Variants in JARID2 observed in about 807,000 individuals in gnomAD.
The protein encoded by JARID2 is jumonji and AT-rich interaction domain containing 2.
In JARID2, 21 loss-of-function variants were observed where a neutral mutation model predicts 125.6. That is an observed-to-expected ratio of 0.17 (90% CI 0.12 to 0.24). JARID2 has a LOEUF of 0.24. Among genes scored for constraint, JARID2 ranks in the 10% least tolerant of loss-of-function variants. The pLI is 1.00. For synonymous variants in JARID2, 736 were observed against 661.6 expected, an observed-to-expected ratio of 1.11 and a Z score of -1.73; for missense variants, 1,303 against 1,639.6, an observed-to-expected ratio of 0.79 and a Z score of 3.55.
At chr6:15,519,509 T>C (rs1405265108) in intron 17 of JARID2, among the ~76,000 whole-genome samples, 1 of 152,174 alleles carries the variant, frequency 6.6e-6, no homozygotes, top group Non-Finnish European at 1.5e-5. Context: ...AGATGCACGT[T>C]TGCTACTCCT....
At chr6:15,320,852 C>CTGTG (rs71944757) in intron 1 of JARID2, among the ~76,000 whole-genome samples, 3,716 of 145,366 alleles carry the variant, frequency 0.026, 89 homozygotes, top group African/African-American at 0.053. Flanking sequence ...CTCTCTCTCT[C>CTGTG]TGTGTGTGTG....
chr6:15,441,852 C>A (rs897938099), intron 3 of JARID2, among the ~76,000 whole-genome samples: 4 of 151,970 alleles, frequency 2.6e-5, no homozygotes, highest in African/African-American at 9.7e-5. Context: ...AGTGCAATGG[C>A]ACGGTCTCGG....
At chr6:15,312,817 G>C (rs899350709) in intron 1 of JARID2, among the ~76,000 whole-genome samples, 2 of 152,118 alleles carry the variant, frequency 1.3e-5, no homozygotes, top group African/African-American at 4.8e-5. Context: ...GGGCATTAAA[G>C]CAACCTTATC....
At chr6:15,273,633 G>C (rs1760384577) in intron 1 of JARID2, among the ~76,000 whole-genome samples, 1 of 152,216 alleles carries the variant, frequency 6.6e-6, no homozygotes, top group Non-Finnish European at 1.5e-5. Context: ...CCTGGGACTT[G>C]TGGGTTGCGG....
chr6:15,350,109 T>C (rs911517726), intron 1 of JARID2, among the ~76,000 whole-genome samples: 17 of 152,162 alleles, frequency 1.1e-4, no homozygotes, highest in African/African-American at 3.6e-4. Flanking sequence ...GCCCAGCATC[T>C]GTTTTAACAC....
intron 6 of JARID2, among the ~76,000 whole-genome samples, chr6:15,490,965 C>T (rs1770123465): frequency 6.6e-6 from 1 of 152,176 alleles, no homozygotes; most frequent in African/African-American, 2.4e-5. Flanking sequence ...GCTAATCCCA[C>T]TGGTTTTGCA....
intron 2 of JARID2, among the ~76,000 whole-genome samples, chr6:15,378,846 A>G (rs1014555696): frequency 7.9e-5 from 12 of 152,234 alleles, no homozygotes; most frequent in African/African-American, 2.9e-4. Context: ...ATAACAGCAG[A>G]ATGGATTTTA....
chr6:15,467,060 A>C (rs961032388), intron 4 of JARID2, among the ~76,000 whole-genome samples: 1 of 152,194 alleles, frequency 6.6e-6, no homozygotes, highest in African/African-American at 2.4e-5. Flanking sequence ...GGTTCACATA[A>C]TTTGGGGGGT....
chr6:15,390,913 T>A (rs917167571), intron 2 of JARID2, among the ~76,000 whole-genome samples: 1 of 152,098 alleles, frequency 6.6e-6, no homozygotes, highest in Non-Finnish European at 1.5e-5. Context: ...ATCTGTTTGG[T>A]TTGTTGTTTT....
At chr6:15,254,421 G>T (rs2127300548) in intron 1 of JARID2, among the ~76,000 whole-genome samples, 1 of 152,306 alleles carries the variant, frequency 6.6e-6, no homozygotes, top group South Asian at 2.1e-4. Context: ...TATGCCCTCA[G>T]TCCTCACTAG....
At chr6:15,264,364 A>G (rs897576470) in intron 1 of JARID2, among the ~76,000 whole-genome samples, 4 of 152,210 alleles carry the variant, frequency 2.6e-5, no homozygotes, top group African/African-American at 9.6e-5. Context: ...AGTATTTGGA[A>G]TCTTATTTAT....
chr6:15,311,503 G>T (rs1762009956), intron 1 of JARID2, among the ~76,000 whole-genome samples: 1 of 152,198 alleles, frequency 6.6e-6, no homozygotes, highest in Non-Finnish European at 1.5e-5. Context: ...GCTTGAACCT[G>T]GGAGGCGGAG....
At chr6:15,301,963 CAG>C (rs1468395424) in intron 1 of JARID2, among the ~76,000 whole-genome samples, 1 of 152,140 alleles carries the variant, frequency 6.6e-6, no homozygotes, top group African/African-American at 2.4e-5. Flanking sequence ...GGTAACTTAA[CAG>C]AAAAGTATAT....
At chr6:15,302,759 G>A (rs774517510) in intron 1 of JARID2, among the ~76,000 whole-genome samples, 1 of 152,020 alleles carries the variant, frequency 6.6e-6, no homozygotes, top group Non-Finnish European at 1.5e-5. Flanking sequence ...TTTTGAGATG[G>A]AGTCTTGCTA....
intron 1 of JARID2, among the ~76,000 whole-genome samples, chr6:15,373,728 C>A (rs113218359): frequency 6.6e-6 from 1 of 152,322 alleles, no homozygotes; most frequent in African/African-American, 2.4e-5. Flanking sequence ...TTGCAGTGTA[C>A]ATTCTGGCAT....
chr6:15,334,582 C>T (rs993120203), intron 1 of JARID2, among the ~76,000 whole-genome samples: 1 of 152,134 alleles, frequency 6.6e-6, no homozygotes, highest in African/African-American at 2.4e-5. Context: ...TGTGCTTGCT[C>T]CTTTTGCTGT....
At chr6:15,413,002 G>GTTCTTTT (rs1554133602) in intron 3 of JARID2, among the ~76,000 whole-genome samples, 1 of 46,532 alleles carries the variant, frequency 2.1e-5, no homozygotes, top group Non-Finnish European at 3.9e-5. Context: ...AAGAGCTTGT[G>GTTCTTTT]TTTTTGTTTT....
chr6:15,369,568 C>T (rs962740431), intron 1 of JARID2, among the ~76,000 whole-genome samples: 6 of 152,136 alleles, frequency 3.9e-5, no homozygotes, highest in Non-Finnish European at 7.4e-5. Flanking sequence ...CTGATTCTAC[C>T]AAGGGGCCTG....
chr6:15,415,058 C>CCCA (rs1287609918), intron 3 of JARID2, among the ~76,000 whole-genome samples: 2 of 152,244 alleles, frequency 1.3e-5, no homozygotes, highest in Non-Finnish European at 2.9e-5. Flanking sequence ...TAACAAAGCA[C>CCCA]ATCTTGCACC....
Sources: allele counts gnomAD v4.1 joint callset (sites outside exome capture counted in the v4.1 genomes callset), GRCh38; gene constraint gnomAD v4.1.1; transcripts MANE v1.5; gene names NCBI Gene and HGNC (gene_info 2026-07-23, HGNC 2026-07-21).